SCAP: variants seen among roughly 807,000 people sequenced by gnomAD.
The protein encoded by SCAP is sterol regulatory element-binding protein cleavage-activating protein.
In SCAP, 65 loss-of-function variants were observed where a neutral mutation model predicts 123.6. That is an observed-to-expected ratio of 0.53 (90% confidence interval 0.43 to 0.65). The LOEUF (loss-of-function observed/expected upper bound fraction) is 0.65, where lower values mean the gene tolerates loss of function less well. Ranked by LOEUF, SCAP falls within the 30% of genes least tolerant of loss-of-function variation. The pLI is 0.00. For synonymous variants in SCAP, 740 were observed against 726.3 expected (o/e 1.02, Z -0.30); for missense variants, 1,398 against 1,712.5 (o/e 0.82, Z 3.24).
intron 1 of SCAP, among the ~76,000 whole-genome samples, chr3:47,449,106 C>T (rs1263015035): frequency 9.2e-5 from 14 of 152,130 alleles, no homozygotes; most frequent in South Asian, 2.1e-4. Context: ...CCAAGCATAC[C>T]GTCCAGGGGC....
intron 2 of SCAP, among the ~76,000 whole-genome samples, chr3:47,441,985 T>G (rs1195417434): frequency 6.8e-6 from 1 of 147,984 alleles, no homozygotes; most frequent in Non-Finnish European, 1.5e-5. Context: ...GAATTACAGG[T>G]ATGAGCACTG....
Position 47,443,095 on chromosome 3 carries a change from G to T in SCAP, c.-98-4C>A, listed in dbSNP as rs1386870136. The T allele has an allele frequency of 3.8e-6, 6 of 1,559,094 alleles. No individual in the cohort carries two copies. The East Asian group carries it at 6.9e-5, about 18-fold the overall frequency. ...AAAGAACAACATGTGCAGGTACCTG[G>T]TAAGAAGGGAGAAAAGCCAGTTAAC... On this transcript the variant is annotated splice_region_variant and splice_polypyrimidine_tract_variant and intron_variant, in intron 1 of 22. Coordinates refer to ENST00000265565, the MANE Select transcript of SCAP (RefSeq NM_012235.4).
rs142311061 is a variant in SCAP, at chr3:47,417,698, C to G, written c.2576G>C (p.Arg859Pro). The change falls in exon 17 of 23, where the codon CGG becomes CCG. Residue 859 changes from arginine (R) to proline (P), a missense_variant. Coordinates refer to ENST00000265565, the MANE Select transcript of SCAP (RefSeq NM_012235.4). ...GAAGAGGGAAGGCGGCGGAGGGCCC[C>G]GGGGGCGGTGTCTCAGGGGAGGGCT... ...GDSPPLRHRPRGPPPPSLFGD... is the reference protein window; with the variant it reads ...GDSPPLRHRPPGPPPPSLFGD... The G allele has an allele frequency of 1.9e-6, 3 of 1,607,722 alleles. No individual in the cohort carries two copies. Among genetic ancestry groups the G allele is most frequent in the Admixed American group, 1.7e-5 (1 of 59,538 alleles).
At chr3:47,461,079 T>C (rs1409380714) in intron 1 of SCAP, among the ~76,000 whole-genome samples, 2 of 152,112 alleles carry the variant, frequency 1.3e-5, no homozygotes, top group African/African-American at 4.8e-5. Context: ...CTCCCCTCTG[T>C]ACCCCCTCCA....
chr3:47,455,087 AT>A (rs1559563624), intron 1 of SCAP, among the ~76,000 whole-genome samples: 2,307 of 141,044 alleles, frequency 0.016, 47 homozygotes, highest in African/African-American at 0.05. Flanking sequence ...ATATATATAT[AT>A]ATATATAATC....
intron 1 of SCAP, among the ~76,000 whole-genome samples, chr3:47,470,495 G>A (rs557685380): frequency 6.6e-6 from 1 of 152,200 alleles, no homozygotes; most frequent in Non-Finnish European, 1.5e-5. Context: ...CAAGAAGAAA[G>A]CCTGACAACT....
chr3:47,467,881 C>T (rs1707889306), intron 1 of SCAP, among the ~76,000 whole-genome samples: 1 of 150,320 alleles, frequency 6.7e-6, no homozygotes, highest in African/African-American at 2.5e-5. Context: ...CCCCCTCCCC[C>T]CATCCCCCGG....
At chr3:47,443,783 G>A (rs1352642311) in intron 1 of SCAP, among the ~76,000 whole-genome samples, 1 of 152,084 alleles carries the variant, frequency 6.6e-6, no homozygotes, top group African/African-American at 2.4e-5. Flanking sequence ...ACAGCAGCCT[G>A]GTATGGCTCA....
In SCAP at chr3:47,428,674, C is replaced by G. The variant is rs761894432; in HGVS notation, c.253-4G>C. ...AAGCCACCGGGGCACCCACATACTG[C>G]AGAAGAAATGAGGGAGGGCAGAAAG... On this transcript the variant is annotated splice_polypyrimidine_tract_variant and splice_region_variant and intron_variant, in intron 3 of 22. Coordinates refer to ENST00000265565, the MANE Select transcript of SCAP (RefSeq NM_012235.4). The G allele has an allele frequency of 1.2e-6, 2 of 1,613,306 alleles. No homozygotes were observed. Among genetic ancestry groups the G allele is most frequent in the Non-Finnish European group, 1.7e-6 (2 of 1,179,630 alleles).
At chr3:47,457,245 T>C (rs1231572933) in intron 1 of SCAP, among the ~76,000 whole-genome samples, 1 of 152,200 alleles carries the variant, frequency 6.6e-6, no homozygotes, top group Non-Finnish European at 1.5e-5. Context: ...CTTTCCCATG[T>C]AGTTTACCTT....
At chr3:47,455,047 T>C (rs1295859098) in intron 1 of SCAP, among the ~76,000 whole-genome samples, 1 of 131,320 alleles carries the variant, frequency 7.6e-6, no homozygotes, top group Non-Finnish European at 1.6e-5. Context: ...TCCAAATATA[T>C]ATACAAAAAA....
chr3:47,465,597 C>A (rs1707794639), intron 1 of SCAP, among the ~76,000 whole-genome samples: 1 of 151,738 alleles, frequency 6.6e-6, no homozygotes, highest in African/African-American at 2.4e-5. Flanking sequence ...AGTGAGACTC[C>A]ATCTCTACAA....
intron 1 of SCAP, among the ~76,000 whole-genome samples, chr3:47,468,578 C>T (rs1020634666): frequency 2.6e-5 from 4 of 152,150 alleles, no homozygotes; most frequent in African/African-American, 9.6e-5. Flanking sequence ...TGATTTTTTT[C>T]TTGTAAATCT....
Position 47,419,840 on chromosome 3 carries a change from T to C in SCAP, c.1564-136A>G. ...AGAGGACACAGGCCCCACTGCGTCC[T>C]TTTCTCCTGCCTCTCCAAGTCCTCC... is the stretch of plus-strand genomic sequence containing the variant. On this transcript the variant is annotated intron_variant, in intron 12 of 22. Coordinates refer to ENST00000265565, the MANE Select transcript of SCAP (RefSeq NM_012235.4). The surrounding 1 kb of genome is among the most constrained non-coding windows in gnomAD (Gnocchi z 5.0). The C allele has an allele frequency of 2.0e-6, 2 of 1,006,110 alleles. No homozygotes were observed. Among genetic ancestry groups the C allele is most frequent in the Non-Finnish European group, 2.7e-6 (2 of 733,790 alleles). 62.3% of individuals were successfully genotyped at this position (1,006,110 alleles called of 1,614,324 possible).
In SCAP at chr3:47,420,891, G is replaced by A; in HGVS notation, c.1344+40C>T. The stretch of plus-strand genomic sequence containing the variant: ...CCAGGACTCCCTCAGTACAGCCAGG[G>A]CTGAGGAGGCGGGCAGGGCAGGGCT... On this transcript the variant is annotated intron_variant, in intron 11 of 22. Coordinates refer to ENST00000265565, the MANE Select transcript of SCAP (RefSeq NM_012235.4). This position sits in a 1 kb window ranked among gnomAD's most constrained non-coding sequence, Gnocchi z 5.0. 6 of 1,590,066 alleles carry A rather than the reference G, an allele frequency of 3.8e-6. No homozygotes were observed. Among genetic ancestry groups the A allele is most frequent in the Non-Finnish European group, 5.2e-6 (6 of 1,158,822 alleles).
rs78157886 is a variant in SCAP at position 47,449,811 on chromosome 3, T to A, written c.-98-6720A>T. Among the ~76,000 whole-genome samples, 505 of 124,310 alleles carry A rather than the reference T, an allele frequency of 4.1e-3. 107 individuals carry two copies. Among genetic ancestry groups the A allele is most frequent in the African/African-American group, 0.013 (464 of 36,378 alleles). The allele number at this position is 124,310 out of a possible 152,430, so 81.6% of individuals were successfully genotyped here. On this transcript the variant is annotated intron_variant, in intron 1 of 22. Coordinates refer to ENST00000265565, the MANE Select transcript of SCAP (RefSeq NM_012235.4). ...TTGGAGTTCTGGTTTCCTTCTCCAA[T>A]TCGCATGCTAACATTTATCTTTCTG...
At chr3:47,428,693 C>A (rs1706242136) in intron 3 of SCAP, 23 bp from the exon 4 acceptor site, 2 of 1,611,268 alleles carry the variant, frequency 1.2e-6, no homozygotes, top group African/African-American at 1.3e-5. Context: ...TGAGGGAGGG[C>A]AGAAAGGGCA....
intron 1 of SCAP, among the ~76,000 whole-genome samples, chr3:47,464,893 C>T (rs1707769244): frequency 6.6e-6 from 1 of 152,200 alleles, no homozygotes; most frequent in South Asian, 2.1e-4. Flanking sequence ...CACACACACA[C>T]AGCTAATAAA....
chr3:47,473,472 G>T (rs1226745165), intron 1 of SCAP, among the ~76,000 whole-genome samples: 2 of 152,160 alleles, frequency 1.3e-5, no homozygotes, highest in Non-Finnish European at 2.9e-5. Flanking sequence ...GGCAGACCTG[G>T]TTTGAAGGAT....
Sources: gnomAD v4.1 joint callset for allele counts (sites outside exome capture counted in the v4.1 genomes callset) on GRCh38, gnomAD v4.1.1 for gene constraint, Gnocchi (gnomAD v3.1) non-coding constraint, MANE v1.5 for transcripts, NCBI Gene and HGNC (gene_info 2026-07-23, HGNC 2026-07-21) for gene names.